The following NR6A1 variants were observed in gnomAD, a reference collection of about 807,000 sequenced individuals.
NR6A1 encodes the protein retinoic acid receptor-related testis-associated receptor.
NR6A1 carries 7 observed loss-of-function variants against 59.1 expected under a neutral mutation model. That is an observed-to-expected ratio of 0.12 (90% confidence interval 0.07 to 0.22). The LOEUF (loss-of-function observed/expected upper bound fraction) is 0.22, where lower values mean the gene tolerates loss of function less well. Ranked by LOEUF, NR6A1 falls within the 10% of genes least tolerant of loss-of-function variation. NR6A1 has a pLI of 1.00. For missense variants in NR6A1, 468 were observed against 611.6 expected (o/e 0.77, Z 2.48); for synonymous variants, 243 against 236.1 (o/e 1.03, Z -0.27).
intron 2 of NR6A1, among the ~76,000 whole-genome samples, chr9:124,591,711 A>C (rs1009283734): frequency 6.6e-6 from 1 of 152,194 alleles, no homozygotes. Flanking sequence ...AGACCCTGTT[A>C]GAGTTAGCAA....
chr9:124,712,243 G>A (rs904567509), intron 2 of NR6A1, among the ~76,000 whole-genome samples: 3 of 152,084 alleles, frequency 2.0e-5, no homozygotes, highest in Non-Finnish European at 4.4e-5. Flanking sequence ...ATGACTACAC[G>A]AAAAATTAAA....
intron 2 of NR6A1, among the ~76,000 whole-genome samples, chr9:124,569,531 T>C (rs560173467): frequency 1.2e-4 from 19 of 152,288 alleles, no homozygotes; most frequent in Middle Eastern, 3.4e-3. Flanking sequence ...TATTGACAAC[T>C]AAGGCAATCT....
intron 2 of NR6A1, among the ~76,000 whole-genome samples, chr9:124,654,419 G>A (rs1215589265): frequency 6.6e-6 from 1 of 152,076 alleles, no homozygotes; most frequent in Admixed American, 6.5e-5. Context: ...ATGTGATAGG[G>A]CCCCATCCCA....
intron 3 of NR6A1, among the ~76,000 whole-genome samples, chr9:124,548,388 G>A (rs142026683): frequency 0.011 from 1,680 of 152,206 alleles, 30 homozygotes; most frequent in African/African-American, 0.038. Flanking sequence ...AGACTGAGGC[G>A]GGAGGATTGC....
rs941424270 is a variant in NR6A1, at chr9:124,754,642, G to A, written c.100+16378C>T. Reference sequence around the variant, plus strand: ...ATTTAAGAAAAACGAGATGAACAACGGGTTCTGTAAGGTCTACAGATTAGA... The same window carrying A: ...ATTTAAGAAAAACGAGATGAACAACAGGTTCTGTAAGGTCTACAGATTAGA... On this transcript the variant is annotated intron_variant, in intron 1 of 9. Coordinates refer to ENST00000487099, the MANE Select transcript of NR6A1 (RefSeq NM_033334.4). Among the ~76,000 whole-genome samples the A allele has an allele frequency of 4.6e-4, 70 of 152,098 alleles. 1 individual carries two copies. The highest frequency in any genetic ancestry group is 1.6e-4 in the Non-Finnish European group (11 of 68,004).
chr9:124,543,226 C>T (rs1243028004), intron 4 of NR6A1, among the ~76,000 whole-genome samples: 1 of 152,124 alleles, frequency 6.6e-6, no homozygotes, highest in African/African-American at 2.4e-5. Flanking sequence ...ACGGCTCTAG[C>T]CCAAGCAGAA....
chr9:124,725,796 A>G (rs1413712831), intron 2 of NR6A1, among the ~76,000 whole-genome samples: 1 of 152,206 alleles, frequency 6.6e-6, no homozygotes, highest in Non-Finnish European at 1.5e-5. Context: ...GAAAAATACC[A>G]AATTTTAAAA....
chr9:124,523,132 G>A (rs532936168), intron 9 of NR6A1, among the ~76,000 whole-genome samples: 2 of 152,230 alleles, frequency 1.3e-5, no homozygotes, highest in Non-Finnish European at 2.9e-5. Context: ...TAAGGAAGCT[G>A]AAACTGACAG....
At chr9:124,755,976 A>G (rs1840621722) in intron 1 of NR6A1, among the ~76,000 whole-genome samples, 2 of 152,290 alleles carry the variant, frequency 1.3e-5, no homozygotes, top group South Asian at 2.1e-4. Flanking sequence ...GAAAAATGCC[A>G]CCCTCTCTTA....
chr9:124,657,615 G>A (rs940835124), intron 2 of NR6A1, among the ~76,000 whole-genome samples: 7 of 152,156 alleles, frequency 4.6e-5, no homozygotes, highest in Admixed American at 6.5e-5. Context: ...GTTTCCCAGT[G>A]GCTCAGAAAG....
intron 1 of NR6A1, among the ~76,000 whole-genome samples, chr9:124,758,951 C>T (rs1399547323): frequency 6.6e-6 from 1 of 152,150 alleles, no homozygotes; most frequent in Non-Finnish European, 1.5e-5. Flanking sequence ...TTAGCTCCTC[C>T]ATTTTTATAG....
intron 2 of NR6A1, among the ~76,000 whole-genome samples, chr9:124,645,751 C>T (rs1483666142): frequency 6.6e-6 from 1 of 152,178 alleles, no homozygotes; most frequent in African/African-American, 2.4e-5. Context: ...AACTCAACAG[C>T]ACTACCAATC....
intron 2 of NR6A1, among the ~76,000 whole-genome samples, chr9:124,721,382 G>A (rs564894598): frequency 6.6e-6 from 1 of 152,282 alleles, no homozygotes; most frequent in East Asian, 1.9e-4. Context: ...ATCCTTATCA[G>A]AAGGGAACTC....
chr9:124,643,775 AGAG>A (rs1269422340), intron 2 of NR6A1, among the ~76,000 whole-genome samples: 6 of 143,498 alleles, frequency 4.2e-5, no homozygotes, highest in Admixed American at 2.1e-4. Context: ...AAAAAAAAAA[AGAG>A]AGAGAGAGAG....
At chr9:124,746,493 A>C (rs1840338964) in intron 1 of NR6A1, among the ~76,000 whole-genome samples, 2 of 151,980 alleles carry the variant, frequency 1.3e-5, no homozygotes, top group Admixed American at 1.3e-4. Context: ...GTAGGCTGAG[A>C]CAGGAGAATC....
intron 2 of NR6A1, among the ~76,000 whole-genome samples, chr9:124,623,265 G>A (rs972452780): frequency 6.6e-6 from 1 of 152,100 alleles, no homozygotes; most frequent in Non-Finnish European, 1.5e-5. Context: ...GGGGAAAGGA[G>A]GCCATTCAGG....
At chr9:124,741,673 G>A (rs764792739) in intron 1 of NR6A1, among the ~76,000 whole-genome samples, 2 of 152,110 alleles carry the variant, frequency 1.3e-5, no homozygotes, top group South Asian at 2.1e-4. Flanking sequence ...CAATATTTTC[G>A]AAAAAATTAA....
chr9:124,625,145 G>A (rs566218975), intron 2 of NR6A1, among the ~76,000 whole-genome samples: 1 of 152,302 alleles, frequency 6.6e-6, no homozygotes, highest in South Asian at 2.1e-4. Flanking sequence ...TGAAGTTATA[G>A]GACCTGGGCA....
chr9:124,598,803 T>C (rs945091328), intron 2 of NR6A1: 2 of 877,144 alleles, frequency 2.3e-6, no homozygotes, highest in Admixed American at 1.8e-5. Context: ...ATCGCTTTTT[T>C]GCCGGATCTT....
Sources: allele counts gnomAD v4.1 joint callset (sites outside exome capture counted in the v4.1 genomes callset), GRCh38; gene constraint gnomAD v4.1.1; transcripts MANE v1.5; gene names NCBI Gene and HGNC (gene_info 2026-07-23, HGNC 2026-07-21).